The following RBMS3 variants were observed in gnomAD, a reference collection of about 807,000 sequenced individuals.
RBMS3 encodes RNA binding motif single stranded interacting protein 3, also known as RNA-binding motif, single-stranded-interacting protein 3.
A neutral mutation model predicts 66.8 loss-of-function variants in RBMS3; 27 were observed. That is an observed-to-expected ratio of 0.40 (90% CI 0.30 to 0.56). The LOEUF (loss-of-function observed/expected upper bound fraction) is 0.56. RBMS3 is among the 20% of genes least tolerant of loss of function. The pLI is 0.40. For synonymous variants in RBMS3, 188 were observed against 183.0 expected, an observed-to-expected ratio of 1.03 and a Z score of -0.22; for missense variants, 513 against 549.5, an observed-to-expected ratio of 0.93 and a Z score of 0.66.
intron 3 of RBMS3, among the ~76,000 whole-genome samples, chr3:29,553,622 G>T (rs1350507936): frequency 2.0e-5 from 3 of 152,032 alleles, no homozygotes; most frequent in Non-Finnish European, 4.4e-5. Flanking sequence ...TCAAGAGCTG[G>T]AAGAGTGAGT....
chr3:29,649,545 G>C (rs1235984259), intron 4 of RBMS3, among the ~76,000 whole-genome samples: 1 of 152,168 alleles, frequency 6.6e-6, no homozygotes, highest in East Asian at 1.9e-4. Flanking sequence ...AAGGGAAAAA[G>C]TGCTGTCATG....
At chr3:29,341,413 C>G (rs1485867153) in intron 1 of RBMS3, among the ~76,000 whole-genome samples, 1 of 152,038 alleles carries the variant, frequency 6.6e-6, no homozygotes, top group Non-Finnish European at 1.5e-5. Context: ...TGTATTAATT[C>G]TAAAATCCGT....
chr3:29,472,673 C>A lies in RBMS3; in HGVS notation c.249-15768C>A, dbSNP rs377056908. On this transcript the variant is annotated intron_variant, in intron 2 of 14. Coordinates refer to ENST00000383767, the MANE Select transcript of RBMS3 (RefSeq NM_001003793.3). Reference sequence around the variant, plus strand: ...GTGAGTGTTACAGCTCTTAAGGCGGCGCGTCTGGAGTTGTTCGTTCCTCCC... The same window carrying A: ...GTGAGTGTTACAGCTCTTAAGGCGGAGCGTCTGGAGTTGTTCGTTCCTCCC... 5.3e-5 allele frequency among the ~76,000 whole-genome samples: 8 copies of A among 151,916 alleles called. No homozygotes were observed. The East Asian group carries it at 1.6e-3, about 30-fold the overall frequency.
rs187785248 is a variant in RBMS3 at position 29,729,572 on chromosome 3, T to C, written c.400-10148T>C. ...CTTGAGGAATCGCCACACTGTCTTCTACAATGGTTGAACTAATTTACACTC... is the reference window on the plus strand; with the variant it reads ...CTTGAGGAATCGCCACACTGTCTTCCACAATGGTTGAACTAATTTACACTC... On this transcript the variant is annotated intron_variant, in intron 4 of 14. Transcript: ENST00000383767. Among the ~76,000 whole-genome samples, 1,010 of 152,230 alleles carry C rather than the reference T, an allele frequency of 6.6e-3. 9 individuals carry two copies. Among genetic ancestry groups the C allele is most frequent in the Middle Eastern group, 0.041 (12 of 294 alleles).
intron 4 of RBMS3, among the ~76,000 whole-genome samples, chr3:29,720,485 G>T (rs907405749): frequency 6.6e-5 from 10 of 152,036 alleles, no homozygotes; most frequent in Non-Finnish European, 1.3e-4. Flanking sequence ...TCAAGGAAGT[G>T]AACTTATTAG....
intron 14 of RBMS3, among the ~76,000 whole-genome samples, chr3:29,995,905 T>TCA (rs1699196422): frequency 6.6e-6 from 1 of 151,890 alleles, no homozygotes; most frequent in South Asian, 2.1e-4. Context: ...AGGATCAAAT[T>TCA]CACACATAAC....
In RBMS3 at chr3:29,960,822, G is replaced by T. The variant is rs141660621; in HGVS notation, c.1098+16568G>T. Among the ~76,000 whole-genome samples the T allele has an allele frequency of 2.3e-3, 343 of 152,222 alleles. 1 individual carries two copies. Among genetic ancestry groups the T allele is most frequent in the African/African-American group, 7.8e-3 (324 of 41,544 alleles). The stretch of plus-strand genomic sequence containing the variant: ...AGCCATGGCTGGAGCAGCTAACACA[G>T]AAGTCACTAAGTCCTAGGCTGCACA... On this transcript the variant is annotated intron_variant, in intron 12 of 14. Transcript: ENST00000383767.
At chr3:29,807,195 G>C (rs975832389) in intron 6 of RBMS3, among the ~76,000 whole-genome samples, 1 of 151,914 alleles carries the variant, frequency 6.6e-6, no homozygotes, top group African/African-American at 2.4e-5. Context: ...AAAACTGTCA[G>C]TATCAAGATT....
chr3:29,765,005 A>T (rs141476860), intron 6 of RBMS3, among the ~76,000 whole-genome samples: 49 of 152,188 alleles, frequency 3.2e-4, no homozygotes, highest in African/African-American at 1.2e-3. Flanking sequence ...AGAACTAAAT[A>T]CAGAATATTG....
At chr3:29,952,797 T>A (rs1695771538) in intron 12 of RBMS3, among the ~76,000 whole-genome samples, 1 of 151,898 alleles carries the variant, frequency 6.6e-6, no homozygotes, top group Admixed American at 6.6e-5. Context: ...CAGGGAACTT[T>A]ATGTGCCTGC....
chr3:30,008,336 C>G lies in RBMS3; in HGVS notation c.*4474C>G, dbSNP rs1699858937. 2 of 151,564 alleles carry G rather than the reference C, an allele frequency of 1.3e-5. No homozygotes were observed. The highest frequency in any genetic ancestry group is 2.9e-5 in the Non-Finnish European group (2 of 67,858). The allele number at this position is 151,564 out of a possible 1,614,324, so 9.4% of individuals were successfully genotyped here. On this transcript the variant is annotated 3_prime_UTR_variant, in exon 15 of 15. Coordinates refer to ENST00000383767, the MANE Select transcript of RBMS3 (RefSeq NM_001003793.3). Reference sequence around the variant, plus strand: ...GAACCACTGCAGATGAGCTGATAAGCAGAAATTCTCAAGTGGGTTTCACTA... The same window carrying G: ...GAACCACTGCAGATGAGCTGATAAGGAGAAATTCTCAAGTGGGTTTCACTA...
intron 10 of RBMS3, among the ~76,000 whole-genome samples, chr3:29,923,711 C>T (rs1418537977): frequency 6.6e-6 from 1 of 151,682 alleles, no homozygotes; most frequent in Non-Finnish European, 1.5e-5. Context: ...GGTCAGAAAA[C>T]GTGTTTTTGC....
At chr3:29,833,131 A>G (rs1438074607) in intron 6 of RBMS3, among the ~76,000 whole-genome samples, 6 of 152,194 alleles carry the variant, frequency 3.9e-5, no homozygotes, top group Non-Finnish European at 5.9e-5. Flanking sequence ...GAAAATGTCT[A>G]AGAGTACTAG....
At chr3:29,381,265 G>A (rs2038753365) in intron 1 of RBMS3, among the ~76,000 whole-genome samples, 1 of 152,136 alleles carries the variant, frequency 6.6e-6, no homozygotes, top group African/African-American at 2.4e-5. Flanking sequence ...TGGAAATTGT[G>A]AGCCTGTAAG....
chr3:29,312,747 A>G (rs2034455461), intron 1 of RBMS3, among the ~76,000 whole-genome samples: 4 of 150,574 alleles, frequency 2.7e-5, no homozygotes, highest in African/African-American at 9.8e-5. Context: ...AAATATAGAG[A>G]TGAAGTCCCG....
At chr3:29,702,868 G>A (rs1327456753) in intron 4 of RBMS3, among the ~76,000 whole-genome samples, 6 of 152,194 alleles carry the variant, frequency 3.9e-5, no homozygotes, top group African/African-American at 1.2e-4. Context: ...AACACTCACC[G>A]CGAGGGTCCG....
At position 29,828,997 on chromosome 3, in the gene RBMS3, TC is replaced by T. The variant is rs1227195452; in HGVS notation, c.638-39860del. On this transcript the variant is annotated intron_variant, in intron 6 of 14. Transcript: ENST00000383767. ...GAGTGACTTTCTTTCTTTCTTTCTTTCTTTCTTTCTTTCTTTCTTTCTTTCT... is the reference window on the plus strand; with the variant it reads ...GAGTGACTTTCTTTCTTTCTTTCTTTTTTCTTTCTTTCTTTCTTTCTTTCT... 7.9e-4 allele frequency among the ~76,000 whole-genome samples: 37 copies of T among 47,076 alleles called. 1 individual carries two copies. Among genetic ancestry groups the T allele is most frequent in the African/African-American group, 1.6e-3 (17 of 10,876 alleles). The allele number at this position is 47,076 out of a possible 152,430, so 30.9% of individuals were successfully genotyped here.
At chr3:29,793,611 A>G (rs1438324740) in intron 6 of RBMS3, among the ~76,000 whole-genome samples, 1 of 152,256 alleles carries the variant, frequency 6.6e-6, no homozygotes, top group Non-Finnish European at 1.5e-5. Context: ...TTGACTCATT[A>G]TAAACATGGC....
chr3:29,436,829 C>G (rs2125729300), intron 2 of RBMS3, among the ~76,000 whole-genome samples: 1 of 152,302 alleles, frequency 6.6e-6, no homozygotes, highest in East Asian at 1.9e-4. Context: ...GTATTTCAAA[C>G]AGGATCTTTA....
Sources: allele counts gnomAD v4.1 joint callset (sites outside exome capture counted in the v4.1 genomes callset), GRCh38; gene constraint gnomAD v4.1.1; transcripts MANE v1.5; gene names NCBI Gene and HGNC (gene_info 2026-07-23, HGNC 2026-07-21).